The following THSD7B variants were observed in gnomAD, a reference collection of about 807,000 sequenced individuals.
THSD7B encodes the protein thrombospondin type 1 domain containing 7B.
THSD7B carries 138 observed loss-of-function variants against 213.6 expected under a neutral mutation model. The observed-to-expected ratio is 0.65, with a 90% CI of 0.56 to 0.74. The LOEUF (loss-of-function observed/expected upper bound fraction) is 0.74. Ranked by LOEUF, THSD7B falls within the 30% of genes least tolerant of loss-of-function variation. The pLI, the probability that THSD7B is intolerant of heterozygous loss-of-function variation, is 0.00. For synonymous variants in THSD7B, 742 were observed against 687.0 expected (o/e 1.08, Z -1.25); for missense variants, 1,931 against 1,991.5 (o/e 0.97, Z 0.58).
intron 2 of THSD7B, among the ~76,000 whole-genome samples, chr2:136,928,839 T>C (rs957777069): frequency 2.6e-5 from 4 of 152,092 alleles, no homozygotes; most frequent in East Asian, 1.9e-4. Flanking sequence ...AAACATAATA[T>C]ATGCAAAAAG....
chr2:137,585,786 G>A (rs1402596967), intron 17 of THSD7B, among the ~76,000 whole-genome samples: 16 of 152,126 alleles, frequency 1.1e-4, no homozygotes, highest in Non-Finnish European at 1.9e-4. Context: ...GAATAGGTGC[G>A]GTGTGGTTCT....
intron 15 of THSD7B, among the ~76,000 whole-genome samples, chr2:137,487,340 A>G (rs1688475408): frequency 8.6e-6 from 1 of 115,696 alleles, no homozygotes; most frequent in Non-Finnish European, 1.6e-5. Flanking sequence ...TGCAGTCCGC[A>G]GTCCGGCCTG....
At chr2:137,421,067 G>A (rs938166781) in intron 14 of THSD7B, among the ~76,000 whole-genome samples, 3 of 151,780 alleles carry the variant, frequency 2.0e-5, no homozygotes, top group Non-Finnish European at 2.9e-5. Context: ...AAACACTTAC[G>A]ACTACCTGAC....
chr2:136,783,181 G>A (rs2104907986), intron 1 of THSD7B, among the ~76,000 whole-genome samples: 1 of 152,282 alleles, frequency 6.6e-6, no homozygotes, highest in Admixed American at 6.5e-5. Context: ...GAATGAATGA[G>A]TCTTTTTGTC....
rs528218088 is a variant in THSD7B at position 136,773,525 on chromosome 2, C to T, written c.-36+7838C>T. 3.4e-4 allele frequency among the ~76,000 whole-genome samples: 51 copies of T among 152,092 alleles called. 1 individual carries two copies. The South Asian group carries it at 0.01, about 30-fold the overall frequency. On this transcript the variant is annotated intron_variant, in intron 1 of 27. Transcript: ENST00000409968. ...TAACCCAATGTATACAAAATATTGC[C>T]ATTTCAATATGTAGTGATTATGAAA...
At chr2:137,577,942 T>A (rs1016563884) in intron 17 of THSD7B, among the ~76,000 whole-genome samples, 1 of 152,182 alleles carries the variant, frequency 6.6e-6, no homozygotes, top group Non-Finnish European at 1.5e-5. Context: ...GAGAAGAGAA[T>A]TTTCACATCT....
At chr2:137,423,641 G>A (rs1012310378) in intron 14 of THSD7B, among the ~76,000 whole-genome samples, 2 of 152,042 alleles carry the variant, frequency 1.3e-5, no homozygotes, top group Non-Finnish European at 2.9e-5. Context: ...CATTGTTGGG[G>A]AAGATTAAAG....
At chr2:136,801,915 T>C (rs1682189264) in intron 1 of THSD7B, among the ~76,000 whole-genome samples, 1 of 152,138 alleles carries the variant, frequency 6.6e-6, no homozygotes, top group African/African-American at 2.4e-5. Context: ...TTGCATAATA[T>C]AGACATGGTG....
intron 10 of THSD7B, among the ~76,000 whole-genome samples, chr2:137,253,499 C>A (rs1487918660): frequency 6.6e-6 from 1 of 152,112 alleles, no homozygotes; most frequent in Non-Finnish European, 1.5e-5. Flanking sequence ...TGGCAAAAAT[C>A]TGTGTTTCCT....
chr2:137,306,364 C>A (rs565964612), intron 12 of THSD7B, among the ~76,000 whole-genome samples: 1 of 152,004 alleles, frequency 6.6e-6, no homozygotes, highest in Non-Finnish European at 1.5e-5. Flanking sequence ...TTTAAACTAG[C>A]CAGGTTGACA....
At chr2:137,559,583 A>C (rs1384982319) in intron 15 of THSD7B, among the ~76,000 whole-genome samples, 1 of 152,206 alleles carries the variant, frequency 6.6e-6, no homozygotes, top group African/African-American at 2.4e-5. Context: ...CTAATGACTT[A>C]AATGTTAGAC....
At chr2:137,383,957 C>T (rs1022592838) in intron 12 of THSD7B, among the ~76,000 whole-genome samples, 70 of 152,158 alleles carry the variant, frequency 4.6e-4, no homozygotes, top group African/African-American at 1.6e-3. Context: ...GTTACAGCAG[C>T]AACAGGAAAC....
intron 12 of THSD7B, among the ~76,000 whole-genome samples, chr2:137,390,850 T>C (rs1316750941): frequency 6.6e-6 from 1 of 152,214 alleles, no homozygotes; most frequent in Non-Finnish European, 1.5e-5. Context: ...TTGCATATGT[T>C]GAACCATTTT....
chr2:137,470,462 G>A lies in THSD7B; in HGVS notation c.3138+19439G>A, dbSNP rs544012647. 2.0e-5 allele frequency among the ~76,000 whole-genome samples: 3 copies of A among 152,274 alleles called. No individual in the cohort carries two copies. The East Asian group carries it at 5.8e-4, about 29-fold the overall frequency. On this transcript the variant is annotated intron_variant, in intron 15 of 27. Transcript: ENST00000409968. ...AAAACAAACAAACAAAAAACACTGGGAAGTATGAATGCTGTTGAAATAGCA... is the reference window on the plus strand; with the variant it reads ...AAAACAAACAAACAAAAAACACTGGAAAGTATGAATGCTGTTGAAATAGCA...
intron 5 of THSD7B, among the ~76,000 whole-genome samples, chr2:137,132,813 T>C (rs1455246222): frequency 6.6e-6 from 1 of 152,210 alleles, no homozygotes; most frequent in East Asian, 1.9e-4. Flanking sequence ...ATATAGACTT[T>C]TCCCTTGTAT....
intron 14 of THSD7B, among the ~76,000 whole-genome samples, chr2:137,438,442 TA>T (rs1460773475): frequency 6.6e-6 from 1 of 152,126 alleles, no homozygotes; most frequent in East Asian, 1.9e-4. Context: ...GTCTAGATAG[TA>T]TATATATTCA....
intron 1 of THSD7B, among the ~76,000 whole-genome samples, chr2:136,766,662 TC>T (rs1373442683): frequency 6.6e-6 from 1 of 152,186 alleles, no homozygotes; most frequent in Non-Finnish European, 1.5e-5. Context: ...GGTACTTTTT[TC>T]TTTTGGAATG....
At chr2:136,999,848 C>A (rs1054235629) in intron 2 of THSD7B, among the ~76,000 whole-genome samples, 5 of 152,078 alleles carry the variant, frequency 3.3e-5, no homozygotes, top group African/African-American at 1.2e-4. Context: ...AAGGCTCAGT[C>A]AAGAGAATCC....
intron 7 of THSD7B, among the ~76,000 whole-genome samples, chr2:137,223,544 G>A (rs1013581632): frequency 6.6e-6 from 1 of 152,066 alleles, no homozygotes; most frequent in Admixed American, 6.6e-5. Flanking sequence ...CACCCACCCT[G>A]ACTACCAAGC....
Sources: allele counts gnomAD v4.1 joint callset (sites outside exome capture counted in the v4.1 genomes callset), GRCh38; gene constraint gnomAD v4.1.1; transcripts MANE v1.5; gene names NCBI Gene and HGNC (gene_info 2026-07-23, HGNC 2026-07-21).